Variants in PTK7 observed in about 807,000 individuals in gnomAD.
The protein encoded by PTK7 is protein tyrosine kinase 7 (inactive).
A neutral mutation model predicts 116.6 loss-of-function variants in PTK7; 39 were observed. The observed-to-expected ratio is 0.33, with a 90% CI of 0.26 to 0.44. PTK7 has a LOEUF of 0.44. Among genes scored for constraint, PTK7 ranks in the 20% least tolerant of loss-of-function variants. The pLI is 1.00. For synonymous variants in PTK7, 546 were observed against 563.6 expected (o/e 0.97, Z 0.44); for missense variants, 1,169 against 1,425.6 (o/e 0.82, Z 2.90).
intron 1 of PTK7, among the ~76,000 whole-genome samples, chr6:43,124,030 C>T (rs558841296): frequency 1.4e-4 from 22 of 152,258 alleles, no homozygotes; most frequent in Non-Finnish European, 2.5e-4. Flanking sequence ...TGGCTGCCTC[C>T]GGGGTCACGT....
At chr6:43,135,213 T>C (rs1334968417) in intron 7 of PTK7, among the ~76,000 whole-genome samples, 1 of 152,060 alleles carries the variant, frequency 6.6e-6, no homozygotes, top group South Asian at 2.1e-4. Flanking sequence ...CCTGTGGCAT[T>C]TGAGAGTGTG....
intron 1 of PTK7, among the ~76,000 whole-genome samples, chr6:43,079,548 G>A (rs1766249771): frequency 6.6e-6 from 1 of 151,886 alleles, no homozygotes; most frequent in Admixed American, 6.6e-5. Flanking sequence ...ATATAAAATG[G>A]TGTCGTATTT....
chr6:43,153,082 G>A (rs1394458177), intron 17 of PTK7, among the ~76,000 whole-genome samples: 2 of 151,482 alleles, frequency 1.3e-5, no homozygotes, highest in Admixed American at 6.6e-5. Flanking sequence ...CACCACGCCC[G>A]GACTGAGTTT....
chr6:43,114,711 T>A (rs1431697288), intron 1 of PTK7, among the ~76,000 whole-genome samples: 1 of 152,176 alleles, frequency 6.6e-6, no homozygotes, highest in Non-Finnish European at 1.5e-5. Context: ...TTATGCTTTA[T>A]GTTTCCCTCT....
rs1318017028 is a variant in PTK7 at position 43,161,375 on chromosome 6, G to A, written c.*494G>A. On this transcript the variant is annotated 3_prime_UTR_variant, in exon 20 of 20. Coordinates refer to ENST00000230419, the MANE Select transcript of PTK7 (RefSeq NM_002821.5). Reference sequence around the variant, plus strand: ...ACCAGGATTATAGAGGACACAGCAAGTGAGTCCTCCCCACTCTGGGCTTGT... The same window carrying A: ...ACCAGGATTATAGAGGACACAGCAAATGAGTCCTCCCCACTCTGGGCTTGT... The A allele has an allele frequency of 6.3e-6, 1 of 158,214 alleles. No homozygotes were observed. The highest frequency in any genetic ancestry group is 1.8e-4 in the East Asian group (1 of 5,422). 9.8% of individuals were successfully genotyped at this position (158,214 alleles called of 1,614,324 possible). A position where few individuals can be genotyped will look rare whatever the true frequency, so the allele number is the denominator to read the frequency against.
At position 43,076,708 on chromosome 6, in the gene PTK7, G is replaced by T. The variant is rs1766033989; in HGVS notation, c.79+141G>T. ...AGGCTCGCTGGGGGTGCAGGCTTGC[G>T]GCGGAAGGGCGCAAGGAGCCCGGGT... On this transcript the variant is annotated intron_variant, in intron 1 of 19. Transcript: ENST00000230419. This position sits in a 1 kb window ranked among gnomAD's most constrained non-coding sequence, Gnocchi z 5.7. 1.4e-6 allele frequency: 2 copies of T among 1,380,192 alleles called. No homozygotes were observed. Among genetic ancestry groups the T allele is most frequent in the Admixed American group, 3.0e-5 (1 of 33,202 alleles). The allele number at this position is 1,380,192 out of a possible 1,614,324, so 85.5% of individuals were successfully genotyped here. A position where few individuals can be genotyped will look rare whatever the true frequency, so the allele number is the denominator to read the frequency against.
chr6:43,113,178 T>C (rs1768285004), intron 1 of PTK7, among the ~76,000 whole-genome samples: 1 of 152,098 alleles, frequency 6.6e-6, no homozygotes, highest in Admixed American at 6.6e-5. Context: ...ACACCTGTAA[T>C]CCCAGCACTT....
chr6:43,150,731 A>G (rs551078375), intron 17 of PTK7, among the ~76,000 whole-genome samples: 123 of 143,910 alleles, frequency 8.5e-4, no homozygotes, highest in African/African-American at 3.1e-3. Flanking sequence ...CCACCAGTGC[A>G]CCTGAGGCAT....
At chr6:43,142,490 C>A in intron 13 of PTK7, 191 bp downstream of exon 13, 1 of 906,584 alleles carries the variant, frequency 1.1e-6, no homozygotes, top group Non-Finnish European at 1.7e-6. Context: ...GTTTATTTAA[C>A]ATCCAACGGT....
chr6:43,132,331 T>C, intron 6 of PTK7, 90 bp from the exon 7 acceptor site: 1 of 1,509,132 alleles, frequency 6.6e-7, no homozygotes, highest in South Asian at 1.3e-5. Flanking sequence ...GGGTTTGTGC[T>C]GGGAAAGGGC....
chr6:43,096,650 T>A (rs1767274785), intron 1 of PTK7, among the ~76,000 whole-genome samples: 1 of 152,204 alleles, frequency 6.6e-6, no homozygotes, highest in African/African-American at 2.4e-5. Context: ...GCTTCCCTTG[T>A]GCTCTGCACT....
chr6:43,138,928 G>C lies in PTK7; in HGVS notation c.1308G>C (p.Gln436His), dbSNP rs1770211513. ...GKPGYLDCLT[Q>H]ATPKPTVVWY... ...CCGGCTACTTGGATTGCCTGACCCA[G>C]GCCACACCAAAACCTACAGTTGTCT... The change falls in exon 8 of 20, where the codon CAG (glutamine) becomes CAC (histidine). Residue 436 changes from glutamine (Q) to histidine (H), a missense_variant. Gln to His is a conservative substitution (Grantham distance 24). Transcript: ENST00000230419. 1 of 1,614,066 alleles carries C rather than the reference G, an allele frequency of 6.2e-7. No homozygotes were observed. Among genetic ancestry groups the C allele is most frequent in the Admixed American group, 1.7e-5 (1 of 60,008 alleles).
chr6:43,141,741 C>T lies in PTK7; in HGVS notation c.1692C>T (p.Asp564=), dbSNP rs140089339. Residue 564 remains aspartate (D), a synonymous_variant, in exon 11 of 20, where the codon GAC becomes GAT. Coordinates refer to ENST00000230419, the MANE Select transcript of PTK7 (RefSeq NM_002821.5). The surrounding 1 kb of genome is among the most constrained non-coding windows in gnomAD (Gnocchi z 4.9). ...TLHFARVTRD[D]AGNYTCIASN... is the part of the protein sequence containing the mutation. The stretch of plus-strand genomic sequence containing the variant: ...ATTTTGCCCGGGTGACTCGAGATGA[C>T]GCTGGCAACTACACTTGCATTGCCT... The T allele has an allele frequency of 9.3e-6, 15 of 1,614,100 alleles. No homozygotes were observed. In the Admixed American group the frequency reaches 1.7e-4, roughly 18 times the overall value.
intron 1 of PTK7, among the ~76,000 whole-genome samples, chr6:43,116,304 G>A (rs1768516553): frequency 1.3e-5 from 2 of 152,162 alleles, no homozygotes; most frequent in South Asian, 4.1e-4. Context: ...CCGTGAGAAG[G>A]GATGGCCAGG....
In PTK7 at chr6:43,129,339, A is replaced by G; in HGVS notation, c.367+75A>G. 2.0e-6 allele frequency: 3 copies of G among 1,530,622 alleles called. 1 individual carries two copies. The South Asian group carries it at 3.5e-5, about 18-fold the overall frequency. 94.8% of individuals were successfully genotyped at this position (1,530,622 alleles called of 1,614,324 possible). Reference sequence around the variant, plus strand: ...CTGAGGCCTGGGGGATCCCTCCCTTACCTCAGCTTCTCCCATTTCCAGTTA... The same window carrying G: ...CTGAGGCCTGGGGGATCCCTCCCTTGCCTCAGCTTCTCCCATTTCCAGTTA... On this transcript the variant is annotated intron_variant, in intron 2 of 19. Transcript: ENST00000230419. The surrounding 1 kb of genome is among the most constrained non-coding windows in gnomAD (Gnocchi z 4.5).
intron 1 of PTK7, among the ~76,000 whole-genome samples, chr6:43,081,564 C>T (rs995636264): frequency 6.6e-6 from 1 of 151,990 alleles, no homozygotes; most frequent in Non-Finnish European, 1.5e-5. Context: ...GCCACTGCAC[C>T]CAGCTAATTT....
intron 5 of PTK7, among the ~76,000 whole-genome samples, chr6:43,131,033 A>ACACACG (rs1769646307): frequency 2.2e-5 from 2 of 89,236 alleles, no homozygotes; most frequent in Admixed American, 1.0e-4. Context: ...AAGACATCAC[A>ACACACG]CACACACACA....
At chr6:43,093,248 G>A (rs1054200414) in intron 1 of PTK7, among the ~76,000 whole-genome samples, 1 of 137,116 alleles carries the variant, frequency 7.3e-6, no homozygotes, top group Non-Finnish European at 1.5e-5. Flanking sequence ...GGAGTGCAAC[G>A]GCACAATCTC....
chr6:43,101,563 TA>T (rs756022604), intron 1 of PTK7, among the ~76,000 whole-genome samples: 68 of 133,572 alleles, frequency 5.1e-4, no homozygotes, highest in South Asian at 9.6e-4. Flanking sequence ...AAAAAAAAAA[TA>T]AAAAAAAAAA....
Sources: allele counts gnomAD v4.1 joint callset (sites outside exome capture counted in the v4.1 genomes callset), GRCh38; gene constraint gnomAD v4.1.1; non-coding constraint Gnocchi (gnomAD v3.1); transcripts MANE v1.5; gene names NCBI Gene and HGNC (gene_info 2026-07-23, HGNC 2026-07-21).